Variants in HOMER2 observed in about 807,000 individuals in gnomAD.
HOMER2 encodes the protein homer protein homolog 2.
HOMER2 carries 27 observed loss-of-function variants against 47.0 expected under a neutral mutation model. The ratio of observed to expected loss-of-function variants is 0.57; its 90% CI spans 0.42 to 0.79. The LOEUF is 0.79. HOMER2 is among the 30% of genes least tolerant of loss of function. The pLI is 0.00. For synonymous variants in HOMER2, 161 were observed against 163.8 expected, an observed-to-expected ratio of 0.98 and a Z score of 0.13; for missense variants, 443 against 435.0, an observed-to-expected ratio of 1.02 and a Z score of -0.16.
chr15:82,928,273 T>G (rs1214295049), intron 1 of HOMER2, among the ~76,000 whole-genome samples: 2 of 152,184 alleles, frequency 1.3e-5, no homozygotes, highest in African/African-American at 4.8e-5. Context: ...CTGTTGATTC[T>G]GATAACCCCA....
exon 2 of HOMER2, chr15:82,843,709 T>G (rs2051202197): frequency 6.6e-6 from 1 of 152,094 alleles, no homozygotes; most frequent in East Asian, 1.9e-4. Context: ...AATATTTTTT[T>G]TAGCTCTCTG....
chr15:82,867,732 T>C (rs1451034869), intron 3 of HOMER2, among the ~76,000 whole-genome samples: 1 of 152,086 alleles, frequency 6.6e-6, no homozygotes, highest in Non-Finnish European at 1.5e-5. Flanking sequence ...GTCTTGTTAG[T>C]GAAAAAAACA....
chr15:82,908,717 T>A (rs1162450570), intron 1 of HOMER2, among the ~76,000 whole-genome samples: 1 of 151,864 alleles, frequency 6.6e-6, no homozygotes, highest in Non-Finnish European at 1.5e-5. Flanking sequence ...TCTTAAGTTT[T>A]TCTTTTAGTC....
exon 2 of HOMER2, chr15:82,842,458 CTAATT>C (rs1335161058): frequency 6.1e-5 from 8 of 131,216 alleles, no homozygotes; most frequent in African/African-American, 2.3e-4. Context: ...CCACAGCCAG[CTAATT>C]TTTTTTTTTT....
intron 1 of HOMER2, among the ~76,000 whole-genome samples, chr15:82,936,365 G>A (rs986578327): frequency 2.6e-5 from 4 of 152,136 alleles, no homozygotes; most frequent in Non-Finnish European, 5.9e-5. Flanking sequence ...TCAGGGGAGG[G>A]GCCAGGGACA....
intron 1 of HOMER2, among the ~76,000 whole-genome samples, chr15:82,973,359 A>G (rs890633650): frequency 1.3e-5 from 2 of 152,190 alleles, no homozygotes; most frequent in African/African-American, 2.4e-5. Flanking sequence ...CTTGCTTATC[A>G]TAACTGCCCG....
At chr15:82,859,277 G>C in intron 4 of HOMER2, 142 bp from the exon 5 acceptor site, 1 of 1,116,526 alleles carries the variant, frequency 9.0e-7, no homozygotes, top group Non-Finnish European at 1.3e-6. Flanking sequence ...CATCCAACCA[G>C]AATGCAGCAA....
chr15:82,943,719 C>T (rs761366763), intron 1 of HOMER2, among the ~76,000 whole-genome samples: 8 of 152,234 alleles, frequency 5.3e-5, no homozygotes, highest in Non-Finnish European at 1.2e-4. Context: ...ACAAGATTAC[C>T]CGCAGAACAA....
At chr15:82,863,063 TTTGTGCACC>T (rs2051845806) in intron 4 of HOMER2, among the ~76,000 whole-genome samples, 1 of 152,148 alleles carries the variant, frequency 6.6e-6, no homozygotes, top group Non-Finnish European at 1.5e-5. Flanking sequence ...CCACTGCTTC[TTTGTGCACC>T]CGAGACTGCA....
At chr15:82,975,821 ATAACT>A (rs1223758100) in intron 1 of HOMER2, among the ~76,000 whole-genome samples, 2 of 152,214 alleles carry the variant, frequency 1.3e-5, no homozygotes, top group East Asian at 1.9e-4. Flanking sequence ...ACAGTAAATA[ATAACT>A]TAATCATACA....
At chr15:82,953,675 C>T (rs1309167661), upstream of HOMER2, among the ~76,000 whole-genome samples, 3 of 152,264 alleles carry the variant, frequency 2.0e-5, no homozygotes, top group East Asian at 5.8e-4. Flanking sequence ...AGATCGAGGC[C>T]ATCCTGGCTA....
At chr15:82,965,022 A>C (rs905016296) in intron 1 of HOMER2, among the ~76,000 whole-genome samples, 1 of 152,134 alleles carries the variant, frequency 6.6e-6, no homozygotes, top group Non-Finnish European at 1.5e-5. Context: ...ACAATTTACT[A>C]TATTTTCTTT....
intron 3 of HOMER2, among the ~76,000 whole-genome samples, chr15:82,864,673 A>G (rs1451253731): frequency 6.6e-6 from 1 of 152,240 alleles, no homozygotes; most frequent in South Asian, 2.1e-4. Context: ...AAGTACTTCA[A>G]AAACAATAAA....
At chr15:82,855,353 AAC>A (rs2051549098) in intron 5 of HOMER2, among the ~76,000 whole-genome samples, 1 of 150,802 alleles carries the variant, frequency 6.6e-6, no homozygotes, top group African/African-American at 2.4e-5. Flanking sequence ...AAAAAAAGAA[AAC>A]ACAATTCTTC....
intron 1 of HOMER2, among the ~76,000 whole-genome samples, chr15:82,927,213 C>T (rs985865848): frequency 1.3e-5 from 2 of 148,928 alleles, no homozygotes; most frequent in Non-Finnish European, 2.9e-5. Context: ...ACAACACTTA[C>T]CACCTTCTAA....
chr15:82,837,166 T>A (rs542274088), exon 2 of HOMER2: 1 of 152,402 alleles, frequency 6.6e-6, no homozygotes, highest in South Asian at 2.1e-4. Context: ...ATCTGACCCT[T>A]CTTCCATCAT....
At chr15:82,946,958 A>G (rs1200760325) in intron 1 of HOMER2, among the ~76,000 whole-genome samples, 1 of 152,236 alleles carries the variant, frequency 6.6e-6, no homozygotes, top group Non-Finnish European at 1.5e-5. Flanking sequence ...CCAAAGGACT[A>G]TAACATTGTG....
At chr15:82,955,584 T>C (rs145405753), upstream of HOMER2, among the ~76,000 whole-genome samples, 195 of 152,316 alleles carry the variant, frequency 1.3e-3, 1 homozygote, top group African/African-American at 4.5e-3. Flanking sequence ...TTTTTTTTTC[T>C]AACCATAAAA....
In HOMER2 at chr15:82,952,555, G is replaced by A. The variant is rs2054531617; in HGVS notation, c.-20C>T. On this transcript the variant is annotated 5_prime_UTR_variant, in exon 1 of 9. Transcript: ENST00000450735. ...CCCCATCTCCGGCGCTGCTCCGGCGGCCGCTCCGACGGGGCCTCTCGCGCT... is the reference window on the plus strand; with the variant it reads ...CCCCATCTCCGGCGCTGCTCCGGCGACCGCTCCGACGGGGCCTCTCGCGCT... The A allele has an allele frequency of 1.7e-6, 2 of 1,176,386 alleles. No homozygotes were observed. The highest frequency in any genetic ancestry group is 2.1e-6 in the Non-Finnish European group (2 of 952,384). The allele number at this position is 1,176,386 out of a possible 1,614,324, so 72.9% of individuals were successfully genotyped here.
Sources: gnomAD v4.1 joint callset for allele counts (sites outside exome capture counted in the v4.1 genomes callset) on GRCh38, gnomAD v4.1.1 for gene constraint, MANE v1.5 for transcripts, NCBI Gene and HGNC (gene_info 2026-07-23, HGNC 2026-07-21) for gene names.